The following SYT1 variants were observed in gnomAD, a reference collection of about 807,000 sequenced individuals.
SYT1 encodes the protein synaptotagmin-1.
A neutral mutation model predicts 44.8 loss-of-function variants in SYT1; 8 were observed. That is an observed-to-expected ratio of 0.18 (90% CI 0.10 to 0.32). SYT1 has a LOEUF of 0.32. Ranked by LOEUF, SYT1 falls within the 10% of genes least tolerant of loss-of-function variation. The probability of loss-of-function intolerance (pLI) is 1.00; values close to 1 mark genes in which losing one functional copy is unlikely to be tolerated. For missense variants in SYT1, 286 were observed against 509.3 expected, an observed-to-expected ratio of 0.56 and a Z score of 4.22; for synonymous variants, 154 against 188.8, an observed-to-expected ratio of 0.82 and a Z score of 1.51.
intron 3 of SYT1, among the ~76,000 whole-genome samples, chr12:79,176,485 A>G (rs548721495): frequency 6.6e-6 from 1 of 151,994 alleles, no homozygotes. Flanking sequence ...ATCTTCACTC[A>G]TGTAGCTAAA....
At chr12:79,027,304 C>T (rs775773887) in intron 2 of SYT1, among the ~76,000 whole-genome samples, 1 of 151,464 alleles carries the variant, frequency 6.6e-6, no homozygotes, top group Non-Finnish European at 1.5e-5. Context: ...TTCCATTAAG[C>T]TTTACCTGCC....
intron 3 of SYT1, among the ~76,000 whole-genome samples, chr12:79,050,155 T>G (rs1478238274): frequency 6.9e-6 from 1 of 144,644 alleles, no homozygotes; most frequent in Non-Finnish European, 1.5e-5. Context: ...TCATGTTATG[T>G]GTATTATATA....
At chr12:78,944,817 A>G (rs1477343069) in intron 1 of SYT1, among the ~76,000 whole-genome samples, 1 of 152,196 alleles carries the variant, frequency 6.6e-6, no homozygotes, top group Non-Finnish European at 1.5e-5. Context: ...ACACACACAC[A>G]CACAGTGTAG....
At chr12:79,020,696 A>G (rs1217673884) in intron 2 of SYT1, among the ~76,000 whole-genome samples, 1 of 151,898 alleles carries the variant, frequency 6.6e-6, no homozygotes, top group Non-Finnish European at 1.5e-5. Flanking sequence ...CCCTGTCCAT[A>G]GCAATAGGTC....
At chr12:78,977,327 T>G (rs892143923) in intron 1 of SYT1, among the ~76,000 whole-genome samples, 2 of 152,126 alleles carry the variant, frequency 1.3e-5, no homozygotes, top group African/African-American at 4.8e-5. Flanking sequence ...CAAAATAGAC[T>G]CAGTTAGCTT....
intron 3 of SYT1, among the ~76,000 whole-genome samples, chr12:79,066,431 C>G (rs766543695): frequency 1.3e-5 from 2 of 148,578 alleles, no homozygotes; most frequent in Non-Finnish European, 3.0e-5. Context: ...CTTAAACTTA[C>G]AATTTTTATG....
chr12:79,002,771 G>T (rs111947233), intron 2 of SYT1, among the ~76,000 whole-genome samples: 1 of 151,964 alleles, frequency 6.6e-6, no homozygotes, highest in Non-Finnish European at 1.5e-5. Context: ...AAGGAGATGA[G>T]GAGGTAAAAT....
At chr12:79,162,462 C>T (rs1032364492) in intron 3 of SYT1, among the ~76,000 whole-genome samples, 2 of 152,102 alleles carry the variant, frequency 1.3e-5, no homozygotes, top group African/African-American at 4.8e-5. Flanking sequence ...TTTATACTCT[C>T]CTTTGAACAG....
At chr12:78,909,946 C>A (rs1876222704) in intron 1 of SYT1, among the ~76,000 whole-genome samples, 1 of 151,850 alleles carries the variant, frequency 6.6e-6, no homozygotes, top group Non-Finnish European at 1.5e-5. Flanking sequence ...TCAGATATTA[C>A]TGATGCCCTA....
At chr12:79,133,043 T>C (rs1868951072) in intron 3 of SYT1, among the ~76,000 whole-genome samples, 1 of 152,148 alleles carries the variant, frequency 6.6e-6, no homozygotes, top group Non-Finnish European at 1.5e-5. Flanking sequence ...CTAAAAAGTT[T>C]CTCTCATGGA....
chr12:79,314,015 A>G (rs1364144697), intron 8 of SYT1, among the ~76,000 whole-genome samples: 1 of 150,762 alleles, frequency 6.6e-6, no homozygotes, highest in East Asian at 1.9e-4. Flanking sequence ...TAAAAATACA[A>G]AAAATTAGCC....
intron 4 of SYT1, among the ~76,000 whole-genome samples, chr12:79,235,811 A>G (rs1443248366): frequency 2.6e-5 from 4 of 152,080 alleles, no homozygotes; most frequent in African/African-American, 9.7e-5. Context: ...GTAAGAAAAT[A>G]TAAAATAACA....
intron 1 of SYT1, among the ~76,000 whole-genome samples, chr12:78,924,026 T>C (rs1877160018): frequency 6.6e-6 from 1 of 151,982 alleles, no homozygotes; most frequent in South Asian, 2.1e-4. Flanking sequence ...TTTCATGACA[T>C]AGACATTTTC....
At chr12:79,051,679 G>T (rs1347678571) in intron 3 of SYT1, among the ~76,000 whole-genome samples, 5 of 151,864 alleles carry the variant, frequency 3.3e-5, no homozygotes, top group African/African-American at 1.2e-4. Flanking sequence ...TCTCATCTGG[G>T]TAATGAAAAA....
At chr12:78,986,463 T>A (rs879718859) in intron 2 of SYT1, among the ~76,000 whole-genome samples, 3 of 151,946 alleles carry the variant, frequency 2.0e-5, no homozygotes, top group Non-Finnish European at 4.4e-5. Context: ...CATATTTTAC[T>A]AACTGAAAAT....
chr12:79,353,799 A>G (rs556914661), intron 9 of SYT1, among the ~76,000 whole-genome samples, 180 bp downstream of exon 9: 36 of 152,206 alleles, frequency 2.4e-4, no homozygotes, highest in Non-Finnish European at 2.6e-4. Context: ...CTCTCAATTC[A>G]TAGGAATTAG....
chr12:79,012,715 A>G (rs764326224), intron 2 of SYT1, among the ~76,000 whole-genome samples: 2 of 152,170 alleles, frequency 1.3e-5, no homozygotes, highest in Non-Finnish European at 2.9e-5. Context: ...CCAGCTGTCT[A>G]CAAACAAGTG....
At chr12:79,403,174 A>G (rs989520228) in intron 9 of SYT1, among the ~76,000 whole-genome samples, 3 of 152,196 alleles carry the variant, frequency 2.0e-5, no homozygotes, top group African/African-American at 4.8e-5. Context: ...ATGTATCTTC[A>G]TGCTTCAGCC....
At chr12:78,918,520 C>T (rs1249033213) in intron 1 of SYT1, among the ~76,000 whole-genome samples, 1 of 152,060 alleles carries the variant, frequency 6.6e-6, no homozygotes, top group East Asian at 1.9e-4. Flanking sequence ...GGCCCCTTTT[C>T]AAACCAGGGA....
Sources: gnomAD v4.1 joint callset for allele counts (sites outside exome capture counted in the v4.1 genomes callset) on GRCh38, gnomAD v4.1.1 for gene constraint, MANE v1.5 for transcripts, NCBI Gene and HGNC (gene_info 2026-07-23, HGNC 2026-07-21) for gene names.